INSC: variants seen among roughly 807,000 people sequenced by gnomAD.
INSC encodes protein inscuteable homolog.
Under a neutral mutation model 58.6 loss-of-function variants are expected in INSC, and 67 were observed. The ratio of observed to expected loss-of-function variants is 1.14; its 90% CI spans 0.94 to 1.40. INSC has a LOEUF of 1.40. INSC is among the 40% of genes most tolerant of loss of function. The pLI is 0.00. For missense variants in INSC, 714 were observed against 692.0 expected, an observed-to-expected ratio of 1.03 and a Z score of -0.36; for synonymous variants, 262 against 276.1, an observed-to-expected ratio of 0.95 and a Z score of 0.51.
rs1008986468 is a variant in INSC at position 15,192,659 on chromosome 11, C to T, written c.693+1845C>T. On this transcript the variant is annotated intron_variant, in intron 6 of 12. Coordinates refer to ENST00000379556, the MANE Select transcript of INSC (RefSeq NM_001042536.3). ...AGTTGGGAGGGAACTGAAGTTCATCCGACCTTCAACTTTGGTAGGGGTTTC... is the reference window on the plus strand; with the variant it reads ...AGTTGGGAGGGAACTGAAGTTCATCTGACCTTCAACTTTGGTAGGGGTTTC... 4.6e-5 allele frequency among the ~76,000 whole-genome samples: 7 copies of T among 152,190 alleles called. No individual in the cohort carries two copies. In the East Asian group the frequency reaches 5.8e-4, roughly 13 times the overall value.
the INSC span, among the ~76,000 whole-genome samples, chr11:15,254,933 A>G: frequency 1.3e-5 from 2 of 152,242 alleles, no homozygotes; most frequent in African/African-American, 4.8e-5. Flanking sequence ...TACTATTACC[A>G]TAGTTGCCAT....
chr11:15,125,105 A>T (rs1312729694), intron 1 of INSC, among the ~76,000 whole-genome samples: 1 of 152,176 alleles, frequency 6.6e-6, no homozygotes, highest in Non-Finnish European at 1.5e-5. Flanking sequence ...GAGGTGGTTT[A>T]TATATTTATA....
chr11:15,148,689 C>T (rs12275748), intron 1 of INSC, among the ~76,000 whole-genome samples: 12,584 of 152,160 alleles, frequency 0.083, 542 homozygotes, highest in East Asian at 0.11. Flanking sequence ...AGTGAATAAG[C>T]GAGTTCTACA....
intron 5 of INSC, 58 bp from the exon 6 acceptor site, chr11:15,190,643 A>G (rs1173816802): frequency 8.4e-7 from 1 of 1,185,446 alleles, no homozygotes; most frequent in Non-Finnish European, 1.3e-6. Context: ...TTCCACTAAG[A>G]TGAGCAGAGG....
intron 6 of INSC, among the ~76,000 whole-genome samples, chr11:15,200,491 G>T (rs966297182): frequency 6.6e-6 from 1 of 152,066 alleles, no homozygotes; most frequent in Non-Finnish European, 1.5e-5. Context: ...CTCCAAGGGA[G>T]TTGCCAGATG....
At chr11:15,251,877 A>G (rs1385445500), downstream of INSC, among the ~76,000 whole-genome samples, 1 of 152,226 alleles carries the variant, frequency 6.6e-6, no homozygotes, top group Non-Finnish European at 1.5e-5. Context: ...AATTCCACTC[A>G]TGGTATATGT....
intron 4 of INSC, among the ~76,000 whole-genome samples, chr11:15,177,555 A>G (rs574698993): frequency 5.9e-5 from 9 of 152,264 alleles, no homozygotes; most frequent in African/African-American, 2.2e-4. Context: ...GCCCACACTC[A>G]CTTTCTCATA....
chr11:15,215,530 G>T (rs889592956), intron 7 of INSC, among the ~76,000 whole-genome samples: 9 of 152,240 alleles, frequency 5.9e-5, no homozygotes, highest in African/African-American at 1.9e-4. Context: ...GAGGAGGCCA[G>T]AACTGGAGTC....
Position 15,184,985 on chromosome 11 carries a change from G to A in INSC, c.580-5716G>A, listed in dbSNP as rs574561729. On this transcript the variant is annotated intron_variant, in intron 5 of 12. Transcript: ENST00000379556. Reference sequence around the variant, plus strand: ...CAAGGTACTCTTAAGTGAAAAAGTAGTGGTTGCAATTAATGGTTATTTGAT... The same window carrying A: ...CAAGGTACTCTTAAGTGAAAAAGTAATGGTTGCAATTAATGGTTATTTGAT... Among the ~76,000 whole-genome samples, 183 of 152,342 alleles carry A rather than the reference G, an allele frequency of 1.2e-3. 1 individual carries two copies. The highest frequency in any genetic ancestry group is 4.3e-3 in the African/African-American group (179 of 41,578).
chr11:15,267,608 T>A, the INSC span, among the ~76,000 whole-genome samples: 1 of 151,982 alleles, frequency 6.6e-6, no homozygotes, highest in South Asian at 2.1e-4. Flanking sequence ...AATATACCTA[T>A]CATGTCTTCA....
At chr11:15,203,484 A>C (rs1315438682) in intron 7 of INSC, among the ~76,000 whole-genome samples, 1 of 152,238 alleles carries the variant, frequency 6.6e-6, no homozygotes, top group Non-Finnish European at 1.5e-5. Flanking sequence ...GCAGTTGTAG[A>C]GCTTGCAAAG....
At chr11:15,182,256 T>C (rs1005089895) in intron 5 of INSC, among the ~76,000 whole-genome samples, 3 of 152,154 alleles carry the variant, frequency 2.0e-5, no homozygotes, top group Non-Finnish European at 4.4e-5. Flanking sequence ...CAGGATGTCA[T>C]CCTTAGGGTT....
chr11:15,116,457 G>T (rs1008023587), intron 1 of INSC, among the ~76,000 whole-genome samples: 5 of 152,002 alleles, frequency 3.3e-5, no homozygotes, highest in Admixed American at 6.5e-5. Flanking sequence ...TCTTCCAGTG[G>T]TTATCTTTTT....
intron 9 of INSC, among the ~76,000 whole-genome samples, chr11:15,230,532 A>G (rs1211192402): frequency 6.6e-6 from 1 of 152,186 alleles, no homozygotes; most frequent in Non-Finnish European, 1.5e-5. Context: ...CTCCACCTCT[A>G]ACATAGGGGA....
the INSC span, among the ~76,000 whole-genome samples, chr11:15,267,857 T>C: frequency 6.6e-6 from 1 of 152,040 alleles, no homozygotes; most frequent in Admixed American, 6.6e-5. Context: ...ATATTTTATC[T>C]TCATATAAAT....
At chr11:15,117,219 G>A (rs2133676974) in intron 1 of INSC, among the ~76,000 whole-genome samples, 1 of 152,126 alleles carries the variant, frequency 6.6e-6, no homozygotes, top group South Asian at 2.1e-4. Flanking sequence ...TGGGATAACA[G>A]GTGTGAGCCA....
At chr11:15,229,272 T>A (rs991750537) in intron 9 of INSC, among the ~76,000 whole-genome samples, 5 of 152,180 alleles carry the variant, frequency 3.3e-5, no homozygotes, top group African/African-American at 1.2e-4. Context: ...CTGTTTGGCA[T>A]TTTAGAATGA....
chr11:15,251,537 A>T (rs72860424), downstream of INSC, among the ~76,000 whole-genome samples: 4,057 of 152,358 alleles, frequency 0.027, 94 homozygotes, highest in Non-Finnish European at 0.04. Context: ...CAGATACAAT[A>T]AATTCTTATA....
chr11:15,238,560 G>A (rs115086405), intron 10 of INSC, among the ~76,000 whole-genome samples: 1,639 of 152,248 alleles, frequency 0.011, 26 homozygotes, highest in African/African-American at 0.038. Flanking sequence ...TTCTTTCTGG[G>A]CTTCAAAATG....
Sources: allele counts gnomAD v4.1 joint callset (sites outside exome capture counted in the v4.1 genomes callset), GRCh38; gene constraint gnomAD v4.1.1; transcripts MANE v1.5; gene names NCBI Gene and HGNC (gene_info 2026-07-23, HGNC 2026-07-21).